The following SNX29 variants were observed in gnomAD, a reference collection of about 807,000 sequenced individuals.
SNX29 encodes sorting nexin 29, also known as sorting nexin-29.
A neutral mutation model predicts 102.1 loss-of-function variants in SNX29; 78 were observed. The ratio of observed to expected loss-of-function variants is 0.76; its 90% confidence interval spans 0.64 to 0.92. The LOEUF (loss-of-function observed/expected upper bound fraction) is 0.92. SNX29 is among the 40% of genes least tolerant of loss of function. SNX29 has a pLI of 0.00. For missense variants in SNX29, 1,280 were observed against 1,061.7 expected (o/e 1.21, Z -2.86); for synonymous variants, 580 against 414.5 (o/e 1.40, Z -4.85).
Position 12,404,529 on chromosome 16 carries a change from A to C in SNX29, c.2037+1000A>C, listed in dbSNP as rs1462050054. On this transcript the variant is annotated intron_variant, in intron 18 of 20. Coordinates refer to ENST00000566228, the MANE Select transcript of SNX29 (RefSeq NM_032167.5). ...CCTGCTTCTCCTGTCTGCTTGTGCT[A>C]AAATAATTGTCGTTAGGTTTTGTTT... 2.0e-5 allele frequency among the ~76,000 whole-genome samples: 3 copies of C among 152,176 alleles called. No individual in the cohort carries two copies. In the East Asian group the frequency reaches 5.8e-4, roughly 29 times the overall value.
chr16:12,389,586 C>T (rs2083452506), intron 16 of SNX29, among the ~76,000 whole-genome samples: 1 of 152,054 alleles, frequency 6.6e-6, no homozygotes, highest in Non-Finnish European at 1.5e-5. Context: ...CCTTTATTAG[C>T]AGTGTGAGAA....
At chr16:12,324,279 G>C (rs2081048590) in intron 15 of SNX29, among the ~76,000 whole-genome samples, 1 of 152,048 alleles carries the variant, frequency 6.6e-6, no homozygotes, top group Non-Finnish European at 1.5e-5. Flanking sequence ...AGGCAACTTG[G>C]ATGCCAGCAA....
At chr16:12,090,269 G>A (rs928702095) in intron 11 of SNX29, 3 of 152,334 alleles carry the variant, frequency 2.0e-5, no homozygotes, top group Non-Finnish European at 2.9e-5. Flanking sequence ...AGACTTGAGT[G>A]TGGAACCGGG....
chr16:12,128,543 C>T (rs1402121042), intron 12 of SNX29, among the ~76,000 whole-genome samples: 2 of 147,826 alleles, frequency 1.4e-5, no homozygotes, highest in East Asian at 2.0e-4. Flanking sequence ...ACCTCTGCCT[C>T]CCGGGTTCAA....
rs576783429 is a variant in SNX29, at chr16:12,547,297, A to T, written c.2319-21209A>T. 1.4e-4 allele frequency among the ~76,000 whole-genome samples: 22 copies of T among 152,328 alleles called. No individual in the cohort carries two copies. The East Asian group carries it at 4.2e-3, about 29-fold the overall frequency. ...GAGTTGGCCCCTGGGAGAAACAGCAAGGAAGCCAGGGTAGCCCAGGAACAG... is the reference window on the plus strand; with the variant it reads ...GAGTTGGCCCCTGGGAGAAACAGCATGGAAGCCAGGGTAGCCCAGGAACAG... On this transcript the variant is annotated intron_variant, in intron 20 of 20. Transcript: ENST00000566228.
At chr16:12,526,580 C>T (rs542029537) in intron 20 of SNX29, 15 of 530,374 alleles carry the variant, frequency 2.8e-5, no homozygotes, top group South Asian at 1.8e-4. Context: ...GAAATGGCCG[C>T]GATAGTTCAC....
intron 20 of SNX29, among the ~76,000 whole-genome samples, chr16:12,542,456 C>CA (rs1373161573): frequency 6.6e-6 from 1 of 152,214 alleles, no homozygotes; most frequent in Admixed American, 6.5e-5. Flanking sequence ...CTCAGCTTCC[C>CA]AAGTAGCTGG....
At chr16:12,102,109 T>C (rs960856277) in intron 11 of SNX29, among the ~76,000 whole-genome samples, 1 of 152,258 alleles carries the variant, frequency 6.6e-6, no homozygotes, top group African/African-American at 2.4e-5. Context: ...TCCTTTTTTA[T>C]GGCTGCATAG....
intron 14 of SNX29, among the ~76,000 whole-genome samples, chr16:12,275,621 CA>C (rs2079219568): frequency 6.6e-6 from 1 of 151,460 alleles, no homozygotes; most frequent in South Asian, 2.1e-4. Flanking sequence ...TCAGGTCTGT[CA>C]AGTTATTTAT....
chr16:12,327,737 G>C (rs79498832), intron 15 of SNX29, among the ~76,000 whole-genome samples: 4 of 64,720 alleles, frequency 6.2e-5, no homozygotes, highest in Non-Finnish European at 1.6e-4. Context: ...GAGAGAGACA[G>C]AGAGAGGAAA....
chr16:12,229,025 C>G (rs975106320), intron 14 of SNX29, among the ~76,000 whole-genome samples: 1 of 152,234 alleles, frequency 6.6e-6, no homozygotes. Context: ...CTTGCTTGCC[C>G]TCATTCCTTC....
chr16:12,345,754 G>A (rs867744361), intron 15 of SNX29, among the ~76,000 whole-genome samples: 2 of 152,174 alleles, frequency 1.3e-5, no homozygotes, highest in Admixed American at 6.5e-5. Flanking sequence ...GGGTGCAGCC[G>A]TATTCTCGTT....
intron 8 of SNX29, chr16:12,052,836 T>A (rs571659722): frequency 6.5e-6 from 1 of 154,084 alleles, no homozygotes; most frequent in Non-Finnish European, 1.4e-5. Context: ...GTGCCTGTTA[T>A]TGTTTTTTAT....
intron 12 of SNX29, 70 bp from the exon 13 acceptor site, chr16:12,129,559 AG>A: frequency 6.6e-7 from 1 of 1,514,162 alleles, no homozygotes; most frequent in Non-Finnish European, 8.9e-7. Flanking sequence ...GACTTATGTT[AG>A]GAACTGTGTC....
At chr16:11,996,380 G>GA (rs1332224425) in intron 1 of SNX29, among the ~76,000 whole-genome samples, 5 of 152,076 alleles carry the variant, frequency 3.3e-5, no homozygotes, top group Middle Eastern at 3.4e-3. Flanking sequence ...TCCTGTCTCA[G>GA]AAAAAAACGC....
intron 13 of SNX29, among the ~76,000 whole-genome samples, chr16:12,181,452 G>A (rs1340939579): frequency 6.6e-6 from 1 of 152,184 alleles, no homozygotes; most frequent in East Asian, 1.9e-4. Flanking sequence ...TTGAGTTTCT[G>A]ATTAGCCTCT....
chr16:12,145,669 T>G (rs928385634), intron 13 of SNX29, among the ~76,000 whole-genome samples: 1 of 152,230 alleles, frequency 6.6e-6, no homozygotes, highest in African/African-American at 2.4e-5. Flanking sequence ...TTTATATAAT[T>G]CAGGTCATTC....
intron 20 of SNX29, among the ~76,000 whole-genome samples, chr16:12,541,020 A>T (rs1311396840): frequency 6.6e-6 from 1 of 152,148 alleles, no homozygotes; most frequent in Admixed American, 6.5e-5. Context: ...CTGGGACAGC[A>T]ACAACTGGTC....
At chr16:12,357,607 C>G (rs533145815) in intron 16 of SNX29, among the ~76,000 whole-genome samples, 1 of 152,156 alleles carries the variant, frequency 6.6e-6, no homozygotes, top group Non-Finnish European at 1.5e-5. Context: ...TAAGTACGTT[C>G]ACACATTTTG....
Sources: allele counts gnomAD v4.1 joint callset (sites outside exome capture counted in the v4.1 genomes callset), GRCh38; gene constraint gnomAD v4.1.1; transcripts MANE v1.5; gene names NCBI Gene and HGNC (gene_info 2026-07-23, HGNC 2026-07-21).